GMPS: variants seen among roughly 807,000 people sequenced by gnomAD.
GMPS encodes the protein guanosine monophosphate synthase.
Under a neutral mutation model 77.9 loss-of-function variants are expected in GMPS, and 15 were observed. The ratio of observed to expected loss-of-function variants is 0.19; its 90% confidence interval spans 0.13 to 0.30. The LOEUF is 0.30. Among genes scored for constraint, GMPS ranks in the 10% least tolerant of loss-of-function variants. The pLI is 1.00. For synonymous variants in GMPS, 224 were observed against 275.9 expected (o/e 0.81, Z 1.86); for missense variants, 590 against 838.8 (o/e 0.70, Z 3.66).
rs1273705428 is a variant in GMPS at position 155,903,834 on chromosome 3, T to C, written c.325-29T>C. The C allele has an allele frequency of 1.7e-5, 16 of 921,884 alleles. No individual in the cohort carries two copies. In the East Asian group the frequency reaches 4.2e-4, roughly 24 times the overall value. 57.1% of individuals were successfully genotyped at this position (921,884 alleles called of 1,614,324 possible). On this transcript the variant is annotated intron_variant, in intron 3 of 15. Transcript: ENST00000496455. The stretch of plus-strand genomic sequence containing the variant: ...AAATGGGTATTTTTCTTTTGATTTC[T>C]ATTAACATTAATTTTTTTCTTTGAA...
intron 8 of GMPS, among the ~76,000 whole-genome samples, chr3:155,915,677 G>A (rs1486036800): frequency 1.3e-5 from 2 of 152,110 alleles, no homozygotes; most frequent in Non-Finnish European, 2.9e-5. Flanking sequence ...GGGATTACAG[G>A]CGTGAGCCAC....
chr3:155,921,946 G>A (rs574828345), intron 10 of GMPS, among the ~76,000 whole-genome samples: 11 of 152,248 alleles, frequency 7.2e-5, no homozygotes, highest in East Asian at 5.8e-4. Flanking sequence ...AGACTAAAAC[G>A]TATGCATAAT....
At chr3:155,932,011 CTG>C (rs1755635761) in intron 13 of GMPS, 131 bp downstream of exon 13, 1 of 465,598 alleles carries the variant, frequency 2.1e-6, no homozygotes, top group Middle Eastern at 3.1e-4. Flanking sequence ...GAGTAAATGG[CTG>C]TGTTTGTAAT....
At chr3:155,913,612 C>T (rs1246748938) in intron 7 of GMPS, among the ~76,000 whole-genome samples, 1 of 151,426 alleles carries the variant, frequency 6.6e-6, no homozygotes, top group Non-Finnish European at 1.5e-5. Context: ...ACCTCTGCCT[C>T]CCAGGTTTAA....
intron 1 of GMPS, among the ~76,000 whole-genome samples, chr3:155,873,320 C>T (rs1368179009): frequency 6.6e-6 from 1 of 151,948 alleles, no homozygotes; most frequent in Non-Finnish European, 1.5e-5. Flanking sequence ...CAGGATCTTG[C>T]TCTGTCACCC....
chr3:155,880,683 T>C (rs1754189185), intron 1 of GMPS, among the ~76,000 whole-genome samples: 1 of 152,218 alleles, frequency 6.6e-6, no homozygotes, highest in African/African-American at 2.4e-5. Flanking sequence ...AAAGTTGTTT[T>C]TAAAAAATGC....
At chr3:155,872,174 C>G (rs62286794) in intron 1 of GMPS, among the ~76,000 whole-genome samples, 6,629 of 152,252 alleles carry the variant, frequency 0.044, 260 homozygotes, top group East Asian at 0.18. Context: ...AGGTGCTGCT[C>G]AAGGGTCACA....
chr3:155,930,897 C>G (rs369040787), intron 12 of GMPS, among the ~76,000 whole-genome samples: 1 of 152,124 alleles, frequency 6.6e-6, no homozygotes, highest in East Asian at 1.9e-4. Context: ...TCACTGCTCA[C>G]GATAGCCTCG....
chr3:155,906,072 A>G (rs564198995), intron 4 of GMPS, 88 bp from the exon 5 acceptor site: 6 of 659,396 alleles, frequency 9.1e-6, no homozygotes, highest in Admixed American at 2.9e-5. Flanking sequence ...CTAATCATGT[A>G]TGGCAAGCTT....
intron 15 of GMPS, among the ~76,000 whole-genome samples, chr3:155,937,388 A>T (rs1280142351): frequency 3.3e-5 from 5 of 152,222 alleles, no homozygotes; most frequent in African/African-American, 1.2e-4. Context: ...TTAAGTCACT[A>T]ATATTTTAAA....
At chr3:155,910,610 A>T in intron 5 of GMPS, 82 bp from the exon 6 acceptor site, 1 of 601,902 alleles carries the variant, frequency 1.7e-6, no homozygotes. Context: ...AGAGGCAGAG[A>T]TTGTGAGAAA....
chr3:155,916,045 G>T lies in GMPS; in HGVS notation c.1065G>T (p.Met355Ile). 1 of 1,613,138 alleles carries T rather than the reference G, an allele frequency of 6.2e-7. No homozygotes were observed. The highest frequency in any genetic ancestry group is 1.1e-5 in the South Asian group (1 of 90,954). Residue 355 changes from methionine (M) to isoleucine (I), a missense_variant, in exon 9 of 16, where the codon ATG becomes ATT. Transcript: ENST00000496455. ...TTGCCAATGAAGTAATTGGAGAAAT[G>T]AACTTGAAACCAGAGGAGGTTTTCC... ...VKIANEVIGEMNLKPEEVFLA... is the reference protein window; with the variant it reads ...VKIANEVIGEINLKPEEVFLA...
At chr3:155,934,867 C>A in intron 13 of GMPS, 49 bp from the exon 14 acceptor site, 1 of 1,211,354 alleles carries the variant, frequency 8.3e-7, no homozygotes, top group South Asian at 1.2e-5. Context: ...AATGTAATTT[C>A]TACATTTGAA....
At chr3:155,900,107 T>G (rs62286839) in intron 3 of GMPS, among the ~76,000 whole-genome samples, 8,283 of 152,232 alleles carry the variant, frequency 0.054, 316 homozygotes, top group East Asian at 0.18. Flanking sequence ...GACATAAATG[T>G]TCAGCTTTTT....
At chr3:155,880,478 G>A (rs986130024) in intron 1 of GMPS, among the ~76,000 whole-genome samples, 2 of 152,126 alleles carry the variant, frequency 1.3e-5, no homozygotes, top group African/African-American at 4.8e-5. Flanking sequence ...CTCACTAATA[G>A]GTGTTTTGTT....
At chr3:155,874,253 C>T (rs1753976939) in intron 1 of GMPS, among the ~76,000 whole-genome samples, 1 of 152,170 alleles carries the variant, frequency 6.6e-6, no homozygotes, top group African/African-American at 2.4e-5. Context: ...AAGGGTGAAA[C>T]TCTTGGTTGG....
chr3:155,933,522 A>G (rs1225541987), intron 13 of GMPS, among the ~76,000 whole-genome samples: 2 of 145,718 alleles, frequency 1.4e-5, no homozygotes, highest in Non-Finnish European at 3.1e-5. Context: ...AAAAATTATA[A>G]CTTACTGTCT....
At chr3:155,897,776 G>A (rs1474365586) in intron 2 of GMPS, 151 bp from the exon 3 acceptor site, 5 of 612,374 alleles carry the variant, frequency 8.2e-6, no homozygotes, top group Non-Finnish European at 1.2e-5. Context: ...ATGACAATTC[G>A]CTGTGATATA....
intron 4 of GMPS, 92 bp downstream of exon 4, chr3:155,904,052 T>C: frequency 3.3e-6 from 2 of 605,518 alleles, no homozygotes; most frequent in South Asian, 4.8e-5. Context: ...CTATAATTCA[T>C]AAACAAAATT....
Sources: gnomAD v4.1 joint callset for allele counts (sites outside exome capture counted in the v4.1 genomes callset) on GRCh38, gnomAD v4.1.1 for gene constraint, MANE v1.5 for transcripts, NCBI Gene and HGNC (gene_info 2026-07-23, HGNC 2026-07-21) for gene names.